FAM163A: variants seen among roughly 807,000 people sequenced by gnomAD.
The protein encoded by FAM163A is family with sequence similarity 163 member A.
In FAM163A, 7 loss-of-function variants were observed where a neutral mutation model predicts 12.0. The observed-to-expected ratio is 0.58, with a 90% CI of 0.33 to 1.10. The LOEUF is 1.10. Among genes scored for constraint, FAM163A ranks in the 50% least tolerant of loss-of-function variants. FAM163A has a pLI of 0.03. For missense variants in FAM163A, 202 were observed against 218.6 expected (o/e 0.92, Z 0.48); for synonymous variants, 101 against 91.0 (o/e 1.11, Z -0.62).
the FAM163A span, among the ~76,000 whole-genome samples, chr1:179,735,495 CTTTTTTTTT>C: frequency 1.6e-5 from 1 of 62,136 alleles, no homozygotes; most frequent in African/African-American, 6.7e-5. Context: ...GAGTTACATT[CTTTTTTTTT>C]TTTTTTTTTT....
rs374728184 is a variant in FAM163A, at chr1:179,813,961, G to T, written c.276G>T (p.Ala92=). The change falls in exon 5 of 5, where the codon GCG becomes GCT. Residue 92 remains alanine (A), a synonymous_variant. Transcript: ENST00000341785. ...GCAGCCAGCCCTGTGGGGTGGCCGC[G>T]AGCCACTGCACTACCTGCTCCCCAT... is the stretch of plus-strand genomic sequence containing the variant. ...EPCSQPCGVA[A]SHCTTCSPYS... 5.4e-5 allele frequency: 87 copies of T among 1,613,676 alleles called. No individual in the cohort carries two copies. The highest frequency in any genetic ancestry group is 1.8e-4 in the Admixed American group (11 of 59,988).
At chr1:179,743,904 C>T (rs1366648642) in intron 1 of FAM163A, among the ~76,000 whole-genome samples, 1 of 152,120 alleles carries the variant, frequency 6.6e-6, no homozygotes, top group Non-Finnish European at 1.5e-5. Context: ...CGCCGCCACC[C>T]GGGGAGCATG....
At chr1:179,811,361 T>C (rs150684521) in intron 2 of FAM163A, among the ~76,000 whole-genome samples, 1 of 152,248 alleles carries the variant, frequency 6.6e-6, no homozygotes, top group East Asian at 1.9e-4. Context: ...GAGTCTTCAC[T>C]GGTGTGGGGG....
intron 1 of FAM163A, among the ~76,000 whole-genome samples, chr1:179,798,942 T>C (rs1692771616): frequency 6.6e-6 from 1 of 152,094 alleles, no homozygotes; most frequent in Non-Finnish European, 1.5e-5. Flanking sequence ...CCACCCTGAG[T>C]GTGAGGACTC....
At chr1:179,734,536 C>T in the FAM163A span, among the ~76,000 whole-genome samples, 197 of 152,286 alleles carry the variant, frequency 1.3e-3, 2 homozygotes, top group African/African-American at 4.4e-3. Context: ...CAGCAGGCTC[C>T]GTTTCTGGTG....
upstream of FAM163A, among the ~76,000 whole-genome samples, chr1:179,738,738 T>A (rs1378631474): frequency 6.6e-6 from 1 of 152,216 alleles, no homozygotes; most frequent in Non-Finnish European, 1.5e-5. Flanking sequence ...TAATTAATCA[T>A]GAAAGACTGA....
chr1:179,795,840 C>T (rs913502734), intron 1 of FAM163A, among the ~76,000 whole-genome samples: 1 of 152,142 alleles, frequency 6.6e-6, no homozygotes, highest in Admixed American at 6.5e-5. Flanking sequence ...TCTAACCCCT[C>T]TCCCCAAGTT....
rs544625941 is a variant in FAM163A, at chr1:179,798,607, A to G, written c.-135-9191A>G. Among the ~76,000 whole-genome samples the G allele has an allele frequency of 1.8e-4, 27 of 152,318 alleles. No homozygotes were observed. The South Asian group carries it at 4.1e-3, about 23-fold the overall frequency. On this transcript the variant is annotated intron_variant, in intron 1 of 4. Transcript: ENST00000341785. ...TTGAGGATTCTGGATTTACCCTGAC[A>G]TGCTTTTTAAGGTCTCCTACCCCAG...
chr1:179,781,417 G>A (rs1370904434), intron 1 of FAM163A, among the ~76,000 whole-genome samples: 1 of 151,882 alleles, frequency 6.6e-6, no homozygotes, highest in African/African-American at 2.4e-5. Flanking sequence ...ATAGCATGGG[G>A]CACGTATTAG....
chr1:179,791,805 C>G (rs758337257), intron 1 of FAM163A, among the ~76,000 whole-genome samples: 2 of 152,186 alleles, frequency 1.3e-5, no homozygotes, highest in African/African-American at 2.4e-5. Flanking sequence ...TTCCAACCAC[C>G]TAGCCAAGCT....
At chr1:179,802,550 G>C (rs759489638) in intron 1 of FAM163A, among the ~76,000 whole-genome samples, 3 of 152,150 alleles carry the variant, frequency 2.0e-5, no homozygotes, top group Non-Finnish European at 4.4e-5. Context: ...CTTCACATGT[G>C]ACACCTTATG....
upstream of FAM163A, among the ~76,000 whole-genome samples, chr1:179,738,424 A>T (rs1025915086): frequency 7.9e-5 from 12 of 152,224 alleles, no homozygotes; most frequent in African/African-American, 2.9e-4. Flanking sequence ...TCACAAAAAT[A>T]TGTAGTTTTT....
chr1:179,746,402 G>A (rs993369714), intron 1 of FAM163A, among the ~76,000 whole-genome samples: 3 of 152,118 alleles, frequency 2.0e-5, no homozygotes, highest in Non-Finnish European at 4.4e-5. Flanking sequence ...GTCAAATAGC[G>A]TCCTATTCAT....
upstream of FAM163A, among the ~76,000 whole-genome samples, chr1:179,739,472 G>A (rs12136733): frequency 0.013 from 1,988 of 152,326 alleles, 14 homozygotes; most frequent in Middle Eastern, 0.048. Flanking sequence ...TCCCAGGATG[G>A]TTTTGAATGC....
At chr1:179,761,496 TAA>T (rs1455092950) in intron 1 of FAM163A, among the ~76,000 whole-genome samples, 1 of 152,200 alleles carries the variant, frequency 6.6e-6, no homozygotes, top group African/African-American at 2.4e-5. Flanking sequence ...CAGGAAAGCA[TAA>T]AGTCTTGTTA....
chr1:179,735,478 C>CATTTGAGTTGGAAT, the FAM163A span, among the ~76,000 whole-genome samples: 4 of 140,434 alleles, frequency 2.8e-5, no homozygotes, highest in Non-Finnish European at 4.5e-5. Flanking sequence ...GAGTTGGAAC[C>CATTTGAGTTGGAAT]GTAAAGGAGT....
rs1273970601 is a variant in FAM163A at position 179,815,109 on chromosome 1, G to GCGCGCGCGCA, written c.*921_*922insGCGCGCGCAC. The GCGCGCGCGCA allele has an allele frequency of 1.2e-4, 8 of 67,234 alleles. No individual in the cohort carries two copies. Among genetic ancestry groups the GCGCGCGCGCA allele is most frequent in the African/African-American group, 5.1e-4 (8 of 15,780 alleles). 4.2% of individuals were successfully genotyped at this position (67,234 alleles called of 1,614,324 possible). A position where few individuals can be genotyped will look rare whatever the true frequency, so the allele number is the denominator to read the frequency against. ...CAGGTGTACGCACGCGCGCGCGCGC[G>GCGCGCGCGCA]CACAGACACACACACACACACACAC... On this transcript the variant is annotated 3_prime_UTR_variant, in exon 5 of 5. Coordinates refer to ENST00000341785, the MANE Select transcript of FAM163A (RefSeq NM_173509.3).
chr1:179,736,428 G>A, the FAM163A span, among the ~76,000 whole-genome samples: 3 of 152,086 alleles, frequency 2.0e-5, no homozygotes, highest in Non-Finnish European at 4.4e-5. Flanking sequence ...ATAAAAAAGT[G>A]TTCAACACAC....
chr1:179,791,106 C>A (rs984891758), intron 1 of FAM163A, among the ~76,000 whole-genome samples: 1 of 152,156 alleles, frequency 6.6e-6, no homozygotes, highest in Non-Finnish European at 1.5e-5. Flanking sequence ...TTGTCCCAGA[C>A]AGAGGCTGTT....
Sources: gnomAD v4.1 joint callset for allele counts (sites outside exome capture counted in the v4.1 genomes callset) on GRCh38, gnomAD v4.1.1 for gene constraint, MANE v1.5 for transcripts, NCBI Gene and HGNC (gene_info 2026-07-23, HGNC 2026-07-21) for gene names.